Variants in SYT9 observed in about 807,000 individuals in gnomAD.
SYT9 encodes synaptotagmin-9.
SYT9 carries 22 observed loss-of-function variants against 48.4 expected under a neutral mutation model. The observed-to-expected ratio is 0.45, with a 90% CI of 0.32 to 0.65. The LOEUF (loss-of-function observed/expected upper bound fraction) is 0.65, where lower values mean the gene tolerates loss of function less well. Among genes scored for constraint, SYT9 ranks in the 30% least tolerant of loss-of-function variants. The pLI, the probability that SYT9 is intolerant of heterozygous loss-of-function variation, is 0.03. For missense variants in SYT9, 577 were observed against 622.0 expected, an observed-to-expected ratio of 0.93 and a Z score of 0.77; for synonymous variants, 265 against 245.0, an observed-to-expected ratio of 1.08 and a Z score of -0.76.
At chr11:7,348,383 C>T (rs1450780090) in intron 3 of SYT9, among the ~76,000 whole-genome samples, 7 of 152,224 alleles carry the variant, frequency 4.6e-5, no homozygotes. Flanking sequence ...ATCCATCGTT[C>T]ATTTCCATCA....
chr11:7,420,531 G>T lies in SYT9; in HGVS notation c.1363G>T (p.Val455Leu). The T allele has an allele frequency of 1.9e-6, 3 of 1,613,978 alleles. No homozygotes were observed. The highest frequency in any genetic ancestry group is 1.7e-6 in the Non-Finnish European group (2 of 1,179,966). Reference sequence around the variant, plus strand: ...TGTAGGTCACAATGAGATCATCGGCGTGTGTCAAGTAGGCAACGAGGCTGA... The same window carrying T: ...TGTAGGTCACAATGAGATCATCGGCTTGTGTCAAGTAGGCAACGAGGCTGA... Reference protein sequence around the residue: ...DRVGHNEIIGVCQVGNEAERL... With the variant: ...DRVGHNEIIGLCQVGNEAERL... The change falls in exon 6 of 7, where the codon GTG becomes TTG. Residue 455 changes from valine to leucine, a missense_variant. Val to Leu is a conservative substitution (Grantham distance 32). Coordinates refer to ENST00000318881, the MANE Select transcript of SYT9 (RefSeq NM_175733.4).
At chr11:7,419,524 A>T (rs1466696460) in intron 5 of SYT9, among the ~76,000 whole-genome samples, 2 of 152,184 alleles carry the variant, frequency 1.3e-5, no homozygotes, top group Non-Finnish European at 2.9e-5. Flanking sequence ...CAGTCCAGTT[A>T]TACCAGGGAC....
intron 1 of SYT9, among the ~76,000 whole-genome samples, chr11:7,270,412 C>A (rs182918633): frequency 8.7e-4 from 132 of 152,150 alleles, no homozygotes; most frequent in Admixed American, 2.6e-3. Flanking sequence ...GCTTTCAGAT[C>A]GATAAGAAGA....
intron 1 of SYT9, among the ~76,000 whole-genome samples, chr11:7,254,661 T>C (rs1401599190): frequency 6.6e-6 from 1 of 152,202 alleles, no homozygotes; most frequent in Non-Finnish European, 1.5e-5. Context: ...GGTAAATGGA[T>C]GACTTCTTTT....
At chr11:7,373,390 G>T (rs1850397658) in intron 3 of SYT9, among the ~76,000 whole-genome samples, 1 of 152,040 alleles carries the variant, frequency 6.6e-6, no homozygotes. Context: ...ACCCTTGAGA[G>T]ATTTTTCCCT....
intron 1 of SYT9, among the ~76,000 whole-genome samples, chr11:7,295,391 G>A (rs1848780615): frequency 6.6e-6 from 1 of 152,156 alleles, no homozygotes; most frequent in Non-Finnish European, 1.5e-5. Flanking sequence ...TTTATAACAA[G>A]GATCACCTTT....
At chr11:7,316,939 C>A (rs1176169205) in intron 3 of SYT9, among the ~76,000 whole-genome samples, 1 of 152,182 alleles carries the variant, frequency 6.6e-6, no homozygotes, top group Non-Finnish European at 1.5e-5. Context: ...TCTTGTTCAG[C>A]ACTTATTCTT....
chr11:7,286,024 G>C (rs746516444), intron 1 of SYT9, among the ~76,000 whole-genome samples: 2 of 152,170 alleles, frequency 1.3e-5, no homozygotes, highest in Non-Finnish European at 2.9e-5. Flanking sequence ...CAGGCACATG[G>C]TGCAAGCCAT....
chr11:7,249,639 A>G (rs1847834679), upstream of SYT9, among the ~76,000 whole-genome samples: 1 of 152,256 alleles, frequency 6.6e-6, no homozygotes, highest in Admixed American at 6.5e-5. Context: ...ACATAACAGA[A>G]ACAGCAAAAA....
intron 6 of SYT9, chr11:7,450,229 G>C (rs963632908): frequency 4.6e-5 from 7 of 152,126 alleles, no homozygotes; most frequent in African/African-American, 1.4e-4. Context: ...AAGGTAGATG[G>C]TATTATTTCT....
At chr11:7,326,416 A>T (rs2133971400) in intron 3 of SYT9, among the ~76,000 whole-genome samples, 1 of 114,088 alleles carries the variant, frequency 8.8e-6, no homozygotes, top group Non-Finnish European at 1.8e-5. Context: ...TGTTTGTAGT[A>T]TTCTCTGATG....
intron 1 of SYT9, among the ~76,000 whole-genome samples, chr11:7,288,096 C>T (rs1271145419): frequency 6.6e-6 from 1 of 152,082 alleles, no homozygotes; most frequent in Non-Finnish European, 1.5e-5. Context: ...TCTTCTGACA[C>T]AGACTCCTAG....
Position 7,252,045 on chromosome 11 carries a change from C to A in SYT9, c.-142C>A. The A allele has an allele frequency of 2.9e-6, 3 of 1,021,386 alleles. No homozygotes were observed. Among genetic ancestry groups the A allele is most frequent in the Non-Finnish European group, 3.9e-6 (3 of 773,608 alleles). The allele number at this position is 1,021,386 out of a possible 1,614,324, so 63.3% of individuals were successfully genotyped here. On this transcript the variant is annotated 5_prime_UTR_variant, in exon 1 of 7. Coordinates refer to ENST00000318881, the MANE Select transcript of SYT9 (RefSeq NM_175733.4). The surrounding 1 kb of genome is among the most constrained non-coding windows in gnomAD (Gnocchi z 6.3). ...GAGGCCGGGCCGGCTGGGTCTGGGG[C>A]TCGGGCTCAGGCTCGCACCGTTTCT...
chr11:7,334,607 A>G (rs72855097), intron 3 of SYT9, among the ~76,000 whole-genome samples: 15,472 of 108,746 alleles, frequency 0.14, 952 homozygotes, highest in East Asian at 0.37. Flanking sequence ...CCTTGCCTGT[A>G]CCCCTTTGTA....
At chr11:7,465,506 T>G (rs1424157545) in intron 6 of SYT9, among the ~76,000 whole-genome samples, 1 of 152,252 alleles carries the variant, frequency 6.6e-6, no homozygotes, top group Non-Finnish European at 1.5e-5. Flanking sequence ...CTACATTTAA[T>G]CTGTGCTGGA....
At chr11:7,248,326 T>C (rs1387771458), upstream of SYT9, among the ~76,000 whole-genome samples, 1 of 152,180 alleles carries the variant, frequency 6.6e-6, no homozygotes, top group Non-Finnish European at 1.5e-5. Context: ...CTCTTTAGTT[T>C]AATTAAGTCC....
At chr11:7,262,850 A>C (rs1848105224) in intron 1 of SYT9, among the ~76,000 whole-genome samples, 1 of 152,186 alleles carries the variant, frequency 6.6e-6, no homozygotes, top group African/African-American at 2.4e-5. Flanking sequence ...TAGTCTTTTA[A>C]GTTTTTCTGC....
chr11:7,309,143 T>A (rs1393683883), intron 2 of SYT9, among the ~76,000 whole-genome samples: 2 of 152,212 alleles, frequency 1.3e-5, no homozygotes, highest in East Asian at 3.8e-4. Flanking sequence ...GGTAGCCAAG[T>A]CTAATCTTTA....
At chr11:7,453,119 C>T (rs1009979435) in intron 6 of SYT9, among the ~76,000 whole-genome samples, 17 of 151,240 alleles carry the variant, frequency 1.1e-4, no homozygotes, top group Admixed American at 7.2e-4. Flanking sequence ...GGCCGGGCAC[C>T]GTGGCTCATG....
Sources: allele counts gnomAD v4.1 joint callset (sites outside exome capture counted in the v4.1 genomes callset), GRCh38; gene constraint gnomAD v4.1.1; non-coding constraint Gnocchi (gnomAD v3.1); transcripts MANE v1.5; gene names NCBI Gene and HGNC (gene_info 2026-07-23, HGNC 2026-07-21).